Variants in ERBB4 observed in about 807,000 individuals in gnomAD.
The protein encoded by ERBB4 is erb-b2 receptor tyrosine kinase 4.
ERBB4 carries 42 observed loss-of-function variants against 158.0 expected under a neutral mutation model. The ratio of observed to expected loss-of-function variants is 0.27; its 90% confidence interval spans 0.21 to 0.34. ERBB4 has a LOEUF of 0.34. Among genes scored for constraint, ERBB4 ranks in the 10% least tolerant of loss-of-function variants. The pLI, the probability that ERBB4 is intolerant of heterozygous loss-of-function variation, is 1.00. For missense variants in ERBB4, 1,333 were observed against 1,624.1 expected, an observed-to-expected ratio of 0.82 and a Z score of 3.08; for synonymous variants, 583 against 558.7, an observed-to-expected ratio of 1.04 and a Z score of -0.61.
At chr2:212,230,302 T>C (rs2083619504) in intron 1 of ERBB4, among the ~76,000 whole-genome samples, 1 of 151,764 alleles carries the variant, frequency 6.6e-6, no homozygotes, top group African/African-American at 2.4e-5. Context: ...GGAAAAAGAA[T>C]ATGGGCTACA....
At chr2:211,517,348 GA>G (rs2066063329) in intron 20 of ERBB4, among the ~76,000 whole-genome samples, 2 of 152,054 alleles carry the variant, frequency 1.3e-5, no homozygotes, top group African/African-American at 4.8e-5. Context: ...AAATATCTGT[GA>G]AATAAGTGAC....
chr2:212,532,274 G>A (rs1692795569), intron 1 of ERBB4, among the ~76,000 whole-genome samples: 1 of 152,208 alleles, frequency 6.6e-6, no homozygotes, highest in African/African-American at 2.4e-5. Context: ...GGACTTCTAT[G>A]ACACCAGTGC....
intron 25 of ERBB4, among the ~76,000 whole-genome samples, chr2:211,409,009 A>G (rs940116697): frequency 2.6e-5 from 4 of 152,214 alleles, no homozygotes; most frequent in Non-Finnish European, 4.4e-5. Flanking sequence ...AGTAAAACGA[A>G]AAAGGCTTCA....
At chr2:211,474,204 T>C (rs2064898637) in intron 20 of ERBB4, among the ~76,000 whole-genome samples, 2 of 152,086 alleles carry the variant, frequency 1.3e-5, no homozygotes, top group South Asian at 4.1e-4. Context: ...TTAGTTATTA[T>C]ATAAGTAATA....
chr2:211,434,943 A>G (rs979415267), intron 20 of ERBB4, among the ~76,000 whole-genome samples: 2 of 152,174 alleles, frequency 1.3e-5, no homozygotes, highest in Non-Finnish European at 2.9e-5. Context: ...CTACTTTCAC[A>G]CACTGAGAGT....
At chr2:212,153,948 T>G (rs2080952128) in intron 1 of ERBB4, among the ~76,000 whole-genome samples, 1 of 151,942 alleles carries the variant, frequency 6.6e-6, no homozygotes, top group Non-Finnish European at 1.5e-5. Context: ...TAAGTACGTA[T>G]GGAAAATGGT....
At chr2:212,062,510 C>T (rs772823535) in intron 2 of ERBB4, among the ~76,000 whole-genome samples, 2 of 144,416 alleles carry the variant, frequency 1.4e-5, no homozygotes, top group African/African-American at 2.6e-5. Flanking sequence ...CTGGTTTAAG[C>T]GATTCTCCTG....
At chr2:211,656,458 GA>G (rs1272345899) in intron 16 of ERBB4, among the ~76,000 whole-genome samples, 1 of 152,106 alleles carries the variant, frequency 6.6e-6, no homozygotes, top group Non-Finnish European at 1.5e-5. Flanking sequence ...TGTTATATAG[GA>G]AATATTTTAT....
intron 20 of ERBB4, among the ~76,000 whole-genome samples, chr2:211,498,595 T>C (rs976921837): frequency 2.0e-5 from 3 of 152,140 alleles, no homozygotes; most frequent in African/African-American, 7.2e-5. Context: ...GACCATTTTT[T>C]CAAACATCAT....
chr2:211,717,962 G>A (rs2073976001), intron 7 of ERBB4, among the ~76,000 whole-genome samples: 1 of 152,136 alleles, frequency 6.6e-6, no homozygotes, highest in Non-Finnish European at 1.5e-5. Flanking sequence ...AGGCTGGAGT[G>A]CAATTGCATG....
At chr2:212,441,146 G>A (rs1417084978) in intron 1 of ERBB4, among the ~76,000 whole-genome samples, 1 of 152,144 alleles carries the variant, frequency 6.6e-6, no homozygotes, top group Non-Finnish European at 1.5e-5. Context: ...GGCACATGTG[G>A]GAGGATTCTG....
At chr2:212,511,247 C>T (rs367857185) in intron 1 of ERBB4, among the ~76,000 whole-genome samples, 61 of 152,212 alleles carry the variant, frequency 4.0e-4, no homozygotes, top group African/African-American at 1.4e-3. Flanking sequence ...TCATTGAAAG[C>T]TGATGAGCAT....
intron 1 of ERBB4, among the ~76,000 whole-genome samples, chr2:212,190,735 A>G (rs2082164682): frequency 1.3e-5 from 2 of 152,164 alleles, no homozygotes; most frequent in African/African-American, 4.8e-5. Flanking sequence ...TTCACATCCT[A>G]ATGATGAAAA....
intron 1 of ERBB4, among the ~76,000 whole-genome samples, chr2:212,533,704 A>C (rs73989051): frequency 0.024 from 3,632 of 152,296 alleles, 143 homozygotes; most frequent in African/African-American, 0.082. Flanking sequence ...ATAATACTTC[A>C]GAAAATGAGT....
At chr2:211,695,004 T>C (rs1047543855) in intron 12 of ERBB4, among the ~76,000 whole-genome samples, 3 of 152,200 alleles carry the variant, frequency 2.0e-5, no homozygotes, top group Non-Finnish European at 4.4e-5. Context: ...ATGACGACGA[T>C]ATAAAGTCTG....
At chr2:211,815,864 C>A (rs938814255) in intron 3 of ERBB4, among the ~76,000 whole-genome samples, 3 of 152,150 alleles carry the variant, frequency 2.0e-5, no homozygotes, top group African/African-American at 4.8e-5. Context: ...TCCTCTCACT[C>A]TCCCTTTGCT....
chr2:211,858,377 G>T (rs1167611404), intron 3 of ERBB4, among the ~76,000 whole-genome samples: 1 of 152,154 alleles, frequency 6.6e-6, no homozygotes, highest in Non-Finnish European at 1.5e-5. Context: ...ACATATAAAA[G>T]TATATTCAGT....
chr2:211,516,325 CCTTTTTTTT>C, intron 20 of ERBB4, among the ~76,000 whole-genome samples: 1 of 151,340 alleles, frequency 6.6e-6, no homozygotes, highest in South Asian at 2.1e-4. Context: ...TTATTTCTTC[CCTTTTTTTT>C]CTTTTTTTTT....
chr2:211,795,928 T>C (rs1484045461), intron 3 of ERBB4, among the ~76,000 whole-genome samples: 7 of 152,050 alleles, frequency 4.6e-5, no homozygotes, highest in South Asian at 4.1e-4. Context: ...GTCTCTGTTA[T>C]AGTGACTCAA....
Sources: gnomAD v4.1 joint callset for allele counts (sites outside exome capture counted in the v4.1 genomes callset) on GRCh38, gnomAD v4.1.1 for gene constraint, MANE v1.5 for transcripts, NCBI Gene and HGNC (gene_info 2026-07-23, HGNC 2026-07-21) for gene names.